The following CTCF variants were observed in gnomAD, a reference collection of about 807,000 sequenced individuals.
CTCF encodes transcriptional repressor CTCF.
Under a neutral mutation model 72.3 loss-of-function variants are expected in CTCF, and 7 were observed. The observed-to-expected ratio is 0.10, with a 90% CI of 0.06 to 0.18. CTCF has a LOEUF of 0.18. Among genes scored for constraint, CTCF ranks in the 10% least tolerant of loss-of-function variants. CTCF has a pLI of 1.00. For synonymous variants in CTCF, 374 were observed against 315.8 expected (o/e 1.18, Z -1.95); for missense variants, 516 against 949.1 (o/e 0.54, Z 6.00).
chr16:67,628,976 C>T (rs1296430082), intron 9 of CTCF, among the ~76,000 whole-genome samples: 1 of 151,610 alleles, frequency 6.6e-6, no homozygotes, highest in Non-Finnish European at 1.5e-5. Context: ...GGCGTGTACC[C>T]GGGAGGCAGA....
chr16:67,619,510 A>G (rs1267494718), intron 5 of CTCF, among the ~76,000 whole-genome samples: 8 of 152,126 alleles, frequency 5.3e-5, no homozygotes, highest in Non-Finnish European at 1.5e-5. Context: ...TGTTTCCTTA[A>G]AATTGGGATA....
intron 2 of CTCF, among the ~76,000 whole-genome samples, chr16:67,585,651 TTTTG>T (rs1320030372): frequency 6.6e-6 from 1 of 152,216 alleles, no homozygotes; most frequent in Non-Finnish European, 1.5e-5. Flanking sequence ...AACCACTACT[TTTTG>T]TTTATTTGCT....
chr16:67,636,676 G>T lies in CTCF; in HGVS notation c.1838-14G>T. On this transcript the variant is annotated splice_polypyrimidine_tract_variant and intron_variant, in intron 10 of 11. Coordinates refer to ENST00000264010, the MANE Select transcript of CTCF (RefSeq NM_006565.4). ...CCTTGCCCCACCACCTGTGCTTCCT[G>T]ATTTCATGAAAAGAAAATGCTGAAC... 6.3e-7 allele frequency: 1 copy of T among 1,579,048 alleles called. No individual in the cohort carries two copies. The highest frequency in any genetic ancestry group is 1.2e-5 in the South Asian group (1 of 84,490).
intron 8 of CTCF, chr16:67,626,939 A>G (rs960858389): frequency 2.8e-6 from 1 of 359,464 alleles, no homozygotes; most frequent in African/African-American, 2.1e-5. Context: ...TTAAGCAGAC[A>G]TCTTTCTGAA....
chr16:67,569,505 C>T (rs953657715), intron 1 of CTCF, among the ~76,000 whole-genome samples: 25 of 152,052 alleles, frequency 1.6e-4, no homozygotes, highest in Non-Finnish European at 1.6e-4. Flanking sequence ...TTCTTTCTTT[C>T]TTTCTTTTTC....
chr16:67,612,939 A>G (rs773096952), intron 4 of CTCF, among the ~76,000 whole-genome samples: 2 of 152,232 alleles, frequency 1.3e-5, no homozygotes, highest in East Asian at 1.9e-4. Flanking sequence ...CTCCATCTCA[A>G]AAACAAACCT....
chr16:67,566,581 ATTTG>A (rs1289619685), intron 1 of CTCF, among the ~76,000 whole-genome samples: 1 of 140,554 alleles, frequency 7.1e-6, no homozygotes, highest in Admixed American at 7.3e-5. Flanking sequence ...CTTGTGGGGT[ATTTG>A]TTTGTTTTGG....
chr16:67,578,353 G>C (rs1281989688), intron 2 of CTCF, among the ~76,000 whole-genome samples: 1 of 102,486 alleles, frequency 9.8e-6, no homozygotes, highest in South Asian at 3.1e-4. Context: ...TTTTTTTTGA[G>C]ACAGGGTTTT....
rs1380717997 is a variant in CTCF at position 67,584,332 on chromosome 16, G to GTCT, written c.-10+13073_-10+13075dup. ...CGGAACTCCTTCTCAAAAAAAAAAAGTCTTCTTTTTTTTTTTTTTTTTTTT... is the reference window on the plus strand; with the variant it reads ...CGGAACTCCTTCTCAAAAAAAAAAAGTCTTCTTCTTTTTTTTTTTTTTTTTTTT... On this transcript the variant is annotated intron_variant, in intron 2 of 11. Transcript: ENST00000264010. Among the ~76,000 whole-genome samples the GTCT allele has an allele frequency of 6.4e-3, 856 of 133,962 alleles. 6 individuals carry two copies. The highest frequency in any genetic ancestry group is 8.1e-3 in the South Asian group (34 of 4,190). 87.9% of individuals were successfully genotyped at this position (133,962 alleles called of 152,430 possible).
intron 10 of CTCF, among the ~76,000 whole-genome samples, chr16:67,631,281 C>G (rs1192470510): frequency 6.6e-6 from 1 of 151,342 alleles, no homozygotes; most frequent in Non-Finnish European, 1.5e-5. Context: ...TTTTCCTGCT[C>G]AGCTTCCCAG....
At chr16:67,578,254 A>T (rs1242094702) in intron 2 of CTCF, among the ~76,000 whole-genome samples, 1 of 152,034 alleles carries the variant, frequency 6.6e-6, no homozygotes, top group Non-Finnish European at 1.5e-5. Context: ...CTCAGAGGCA[A>T]TAAATACCAA....
chr16:67,581,570 C>G (rs2142742703), intron 2 of CTCF, among the ~76,000 whole-genome samples: 1 of 152,168 alleles, frequency 6.6e-6, no homozygotes, highest in South Asian at 2.1e-4. Context: ...GTGGCACGAT[C>G]TTGGCTCGCT....
chr16:67,576,222 A>G (rs1244393710), intron 2 of CTCF, among the ~76,000 whole-genome samples: 2 of 151,898 alleles, frequency 1.3e-5, no homozygotes, highest in Admixed American at 6.6e-5. Context: ...CATAATACCA[A>G]AAAGTTAATT....
intron 1 of CTCF, among the ~76,000 whole-genome samples, chr16:67,567,635 G>A (rs2051360317): frequency 6.6e-6 from 1 of 151,974 alleles, no homozygotes; most frequent in African/African-American, 2.4e-5. Context: ...CTGTTGCCCA[G>A]ATAGGAGTGC....
At chr16:67,634,300 C>A (rs1407764393) in intron 10 of CTCF, among the ~76,000 whole-genome samples, 1 of 151,872 alleles carries the variant, frequency 6.6e-6, no homozygotes, top group Non-Finnish European at 1.5e-5. Flanking sequence ...CTCCGCCTCC[C>A]AGGTTCAAGT....
At chr16:67,595,155 A>G (rs938191891) in intron 2 of CTCF, among the ~76,000 whole-genome samples, 2 of 152,162 alleles carry the variant, frequency 1.3e-5, no homozygotes, top group Non-Finnish European at 2.9e-5. Context: ...TGTGGCGTCA[A>G]TATTCTGGAT....
intron 2 of CTCF, among the ~76,000 whole-genome samples, chr16:67,602,842 CAAA>C (rs75191313): frequency 1.8e-5 from 1 of 55,342 alleles, no homozygotes; most frequent in Admixed American, 2.0e-4. Flanking sequence ...ACTCCATCTC[CAAA>C]AAAAAAAAAA....
chr16:67,601,335 GTGTT>G (rs2051888414), intron 2 of CTCF, among the ~76,000 whole-genome samples: 2 of 134,180 alleles, frequency 1.5e-5, no homozygotes, highest in East Asian at 2.1e-4. Context: ...GTGTGTGTGT[GTGTT>G]TTGTTTTGTT....
rs2052459592 is a variant in CTCF, at chr16:67,638,246, T to A, written c.*374T>A. 2 of 253,994 alleles carry A rather than the reference T, an allele frequency of 7.9e-6. No individual in the cohort carries two copies. Among genetic ancestry groups the A allele is most frequent in the Non-Finnish European group, 7.6e-6 (1 of 131,854 alleles). The allele number at this position is 253,994 out of a possible 1,614,324, so 15.7% of individuals were successfully genotyped here. ...ATGGTCTTCTTCCCAAGAGAGTTTT[T>A]AATTGTAAATGCATACTTGGGAAGG... On this transcript the variant is annotated 3_prime_UTR_variant, in exon 12 of 12. Coordinates refer to ENST00000264010, the MANE Select transcript of CTCF (RefSeq NM_006565.4).
Sources: allele counts gnomAD v4.1 joint callset (sites outside exome capture counted in the v4.1 genomes callset), GRCh38; gene constraint gnomAD v4.1.1; transcripts MANE v1.5; gene names NCBI Gene and HGNC (gene_info 2026-07-23, HGNC 2026-07-21).